Variants in PABPN1 observed in about 807,000 individuals in gnomAD.
The protein encoded by PABPN1 is poly(A) binding protein nuclear 1.
PABPN1 carries 5 observed loss-of-function variants against 33.4 expected under a neutral mutation model. The ratio of observed to expected loss-of-function variants is 0.15; its 90% CI spans 0.08 to 0.32. The LOEUF is 0.32. PABPN1 is among the 10% of genes least tolerant of loss of function. PABPN1 has a pLI of 1.00. For synonymous variants in PABPN1, 176 were observed against 170.6 expected, an observed-to-expected ratio of 1.03 and a Z score of -0.25; for missense variants, 312 against 425.8, an observed-to-expected ratio of 0.73 and a Z score of 2.35.
In PABPN1 at chr14:23,325,500, G is replaced by T. The variant is rs894880223; in HGVS notation, c.*214G>T. On this transcript the variant is annotated 3_prime_UTR_variant, in exon 7 of 7. Coordinates refer to ENST00000216727, the MANE Select transcript of PABPN1 (RefSeq NM_004643.4). ...AGTAGGGGAAGGCCCAGGGAGTGGG[G>T]CAGGGGGCTGCTTATTCACTCTGGG... The T allele has an allele frequency of 3.3e-6, 2 of 611,272 alleles. No individual in the cohort carries two copies. Among genetic ancestry groups the T allele is most frequent in the South Asian group, 2.2e-5 (1 of 45,656 alleles). The allele number at this position is 611,272 out of a possible 1,614,324, so 37.9% of individuals were successfully genotyped here. A position where few individuals can be genotyped will look rare whatever the true frequency, so the allele number is the denominator to read the frequency against.
rs369520638 is a variant in PABPN1, at chr14:23,323,071, G to A, written c.534+5G>A. The A allele has an allele frequency of 1.9e-6, 3 of 1,614,006 alleles. No individual in the cohort carries two copies. Among genetic ancestry groups the A allele is most frequent in the East Asian group, 2.2e-5 (1 of 44,902 alleles). On this transcript the variant is annotated splice_donor_5th_base_variant and intron_variant, in intron 3 of 6. Coordinates refer to ENST00000216727, the MANE Select transcript of PABPN1 (RefSeq NM_004643.4). ...CGTTCCATCTATGTTGGCAATGTAC[G>A]TACTGGGGCTCTGACTGGGGTTGGG...
Position 23,325,360 on chromosome 14 carries a change from AAAAG to A in PABPN1, c.*78_*81del, listed in dbSNP as rs1224063962. On this transcript the variant is annotated 3_prime_UTR_variant, in exon 7 of 7. Coordinates refer to ENST00000216727, the MANE Select transcript of PABPN1 (RefSeq NM_004643.4). ...AAAAAAAAAAGAATTAAAAAAAAAA[AAAAG>A]AAAAACAGAAGATGACCTTGATGGA... is the stretch of plus-strand genomic sequence containing the variant. The A allele has an allele frequency of 2.0e-5, 31 of 1,518,904 alleles. No individual in the cohort carries two copies. The Admixed American group carries it at 4.0e-4, about 20-fold the overall frequency. The allele number at this position is 1,518,904 out of a possible 1,614,324, so 94.1% of individuals were successfully genotyped here. A position where few individuals can be genotyped will look rare whatever the true frequency, so the allele number is the denominator to read the frequency against.
rs1267439300 is a variant in PABPN1, at chr14:23,321,706, C to A, written c.237C>A (p.Ala79=). Residue 79 remains alanine, a synonymous_variant, in exon 1 of 7, where the codon GCC becomes GCA. Coordinates refer to ENST00000216727, the MANE Select transcript of PABPN1 (RefSeq NM_004643.4). ...AAGAGGAGCCGCCCCGGCCCCGCGC[C>A]CCCCCGGGAGCTCCGGGCCCTGGGC... ...EPEEEPPRPR[A]PPGAPGPGPG... The A allele has an allele frequency of 6.5e-7, 1 of 1,538,746 alleles. No individual in the cohort carries two copies. Among genetic ancestry groups the A allele is most frequent in the East Asian group, 2.5e-5 (1 of 40,368 alleles).
chr14:23,322,953 G>A, intron 2 of PABPN1, 46 bp from the exon 3 acceptor site: 1 of 1,613,272 alleles, frequency 6.2e-7, no homozygotes, highest in Non-Finnish European at 8.5e-7. Flanking sequence ...TGGTCAAGTA[G>A]AAAACAAGTG....
Position 23,321,699 on chromosome 14 carries a change from C to T in PABPN1, c.230C>T (p.Pro77Leu), listed in dbSNP as rs746197440. 2 of 1,535,640 alleles carry T rather than the reference C, an allele frequency of 1.3e-6. No individual in the cohort carries two copies. Among genetic ancestry groups the T allele is most frequent in the South Asian group, 2.4e-5 (2 of 83,386 alleles). ...EPEPEEEPPR[P>L]RAPPGAPGPG... ...GAGCCCGAAGAGGAGCCGCCCCGGCCCCGCGCCCCCCCGGGAGCTCCGGGC... is the reference window on the plus strand; with the variant it reads ...GAGCCCGAAGAGGAGCCGCCCCGGCTCCGCGCCCCCCCGGGAGCTCCGGGC... The change falls in exon 1 of 7, where the codon CCC becomes CTC. Residue 77 changes from proline to leucine, a missense_variant. Pro to Leu is a moderately conservative substitution (Grantham distance 98). Around this residue, in one of 3 missense-constraint regions of PABPN1, gnomAD observed 167 missense variants for 168.9 expected, o/e 0.99. Transcript: ENST00000216727.
At chr14:23,322,142 C>T (rs747515209) in intron 1 of PABPN1, 39 bp from the exon 2 acceptor site, 16 of 1,569,938 alleles carry the variant, frequency 1.0e-5, no homozygotes, top group Non-Finnish European at 1.3e-5. Flanking sequence ...GCGTTGGTTC[C>T]TCTTAAGCTG....
Position 23,325,634 on chromosome 14 carries a change from G to GTT in PABPN1, c.*358_*359dup, listed in dbSNP as rs35455483. ...GGTAGGTGGGCGTGGGTGGTAGGAG[G>GTT]TTTTTTTTTTTACCCAGGGCTCTGG... On this transcript the variant is annotated 3_prime_UTR_variant, in exon 7 of 7. Coordinates refer to ENST00000216727, the MANE Select transcript of PABPN1 (RefSeq NM_004643.4). 8 of 209,116 alleles carry GTT rather than the reference G, an allele frequency of 3.8e-5. No homozygotes were observed. Among genetic ancestry groups the GTT allele is most frequent in the South Asian group, 3.0e-4 (4 of 13,318 alleles). 13.0% of individuals were successfully genotyped at this position (209,116 alleles called of 1,614,324 possible).
chr14:23,322,429 A>G (rs1888381135), intron 2 of PABPN1, 134 bp downstream of exon 2: 1 of 811,608 alleles, frequency 1.2e-6, no homozygotes, highest in Non-Finnish European at 2.1e-6. Context: ...TGCCGCGGTC[A>G]TAGTCCGTTG....
At chr14:23,323,286 GGTGTATGATGGCCCAGA>G (rs1250144814) in intron 3 of PABPN1, 74 bp from the exon 4 acceptor site, 2 of 1,365,426 alleles carry the variant, frequency 1.5e-6, no homozygotes, top group Non-Finnish European at 1.0e-6. Context: ...CATGTGCTTT[GGTGTATGATGGCCCAGA>G]CCAAAGGCTC....
In PABPN1 at chr14:23,324,226, A is replaced by G. The variant is rs754497019; in HGVS notation, c.818A>G (p.Tyr273Cys). The change falls in exon 6 of 7, where the codon TAC (tyrosine) becomes TGC (cysteine). Residue 273 changes from tyrosine to cysteine, a missense_variant. Coordinates refer to ENST00000216727, the MANE Select transcript of PABPN1 (RefSeq NM_004643.4). ...CGCTACCGCGCCCGGACCACCAACTACAACAGCTCCCGCTCTCGATTCTAC... is the reference window on the plus strand; with the variant it reads ...CGCTACCGCGCCCGGACCACCAACTGCAACAGCTCCCGCTCTCGATTCTAC... The part of the protein sequence containing the change: ...RARYRARTTN[Y>C]NSSRSRFYSG... 2 of 1,614,142 alleles carry G rather than the reference A, an allele frequency of 1.2e-6. No individual in the cohort carries two copies. The highest frequency in any genetic ancestry group is 1.7e-6 in the Non-Finnish European group (2 of 1,180,028).
chr14:23,321,458 G>A lies in PABPN1; in HGVS notation c.-12G>A. ...TCCAATCGCCGGGCGGCGGGCCCCA[G>A]TCTGAGCGGCGATGGCGGCGGCGGC... is the stretch of plus-strand genomic sequence containing the variant. On this transcript the variant is annotated 5_prime_UTR_variant, in exon 1 of 7. Transcript: ENST00000216727. The A allele has an allele frequency of 8.7e-7, 1 of 1,149,504 alleles. No individual in the cohort carries two copies. The highest frequency in any genetic ancestry group is 4.2e-5 in the South Asian group (1 of 23,750). 71.2% of individuals were successfully genotyped at this position (1,149,504 alleles called of 1,614,324 possible).
rs778930243 is a variant in PABPN1, at chr14:23,324,004, G to A, written c.681G>A (p.Arg227=). Residue 227 remains arginine (R), a synonymous_variant, in exon 5 of 7, where the codon AGG becomes AGA. Transcript: ENST00000216727. ...AGTTCTCAGACAAAGAGTCAGTGAG[G>A]ACTTCCTTGGCCTTAGATGAGTCCC... ...YIEFSDKESV[R]TSLALDESLF... The A allele has an allele frequency of 9.3e-6, 15 of 1,614,054 alleles. No homozygotes were observed. In the Admixed American group the frequency reaches 2.5e-4, roughly 27 times the overall value.
At chr14:23,323,604 C>A (rs1265696009) in intron 4 of PABPN1, 121 bp downstream of exon 4, 2 of 985,396 alleles carry the variant, frequency 2.0e-6, no homozygotes, top group Non-Finnish European at 3.1e-6. Flanking sequence ...CATTTAAGAT[C>A]ATGGCATTAA....
At chr14:23,322,010 C>T in intron 1 of PABPN1, 171 bp from the exon 2 acceptor site, 2 of 808,574 alleles carry the variant, frequency 2.5e-6, no homozygotes. Context: ...TCGGGCGTCA[C>T]GGTTGCCTAG....
intron 2 of PABPN1, 40 bp from the exon 3 acceptor site, chr14:23,322,959 A>C (rs1269112474): frequency 1.9e-6 from 3 of 1,613,554 alleles, no homozygotes; most frequent in South Asian, 2.2e-5. Context: ...AGTAGAAAAC[A>C]AGTGTGTGGT....
chr14:23,323,606 T>C (rs1178221681), intron 4 of PABPN1, 123 bp downstream of exon 4: 2 of 966,048 alleles, frequency 2.1e-6, no homozygotes, highest in Non-Finnish European at 3.2e-6. Context: ...TTTAAGATCA[T>C]GGCATTAATG....
At chr14:23,325,066 C>T (rs908571621) in intron 6 of PABPN1, 181 bp from the exon 7 acceptor site, 8 of 754,804 alleles carry the variant, frequency 1.1e-5, no homozygotes, top group African/African-American at 7.1e-5. Flanking sequence ...GCCCCCCTCC[C>T]CCTGCCCCAG....
chr14:23,325,142 T>C, intron 6 of PABPN1, 105 bp from the exon 7 acceptor site: 2 of 1,509,278 alleles, frequency 1.3e-6, no homozygotes, highest in South Asian at 2.3e-5. Flanking sequence ...ACACTTCTTT[T>C]CCCCCCTTCC....
chr14:23,322,099 C>G (rs1000604744), intron 1 of PABPN1, 82 bp from the exon 2 acceptor site: 6 of 1,434,230 alleles, frequency 4.2e-6, no homozygotes, highest in Non-Finnish European at 5.8e-6. Context: ...ATGGCTGAGG[C>G]CGCGCTCTGG....
Sources: allele counts gnomAD v4.1 joint callset, GRCh38; gene constraint gnomAD v4.1.1; regional missense constraint gnomAD v4.1.1; transcripts MANE v1.5; gene names NCBI Gene and HGNC (gene_info 2026-07-23, HGNC 2026-07-21).